Variants in FRMD5 observed in about 807,000 individuals in gnomAD.
The protein encoded by FRMD5 is FERM domain-containing protein 5.
FRMD5 carries 20 observed loss-of-function variants against 69.0 expected under a neutral mutation model. The observed-to-expected ratio is 0.29, with a 90% CI of 0.20 to 0.42. The LOEUF is 0.42. Ranked by LOEUF, FRMD5 falls within the 10% of genes least tolerant of loss-of-function variation. The pLI, the probability that FRMD5 is intolerant of heterozygous loss-of-function variation, is 1.00. For synonymous variants in FRMD5, 271 were observed against 260.1 expected (o/e 1.04, Z -0.40); for missense variants, 595 against 708.6 (o/e 0.84, Z 1.82).
rs556543124 is a variant in FRMD5, at chr15:44,117,386, T to A, written c.102+77567A>T. On this transcript the variant is annotated intron_variant, in intron 1 of 13. Coordinates refer to ENST00000417257, the MANE Select transcript of FRMD5 (RefSeq NM_032892.5). ...GTAATGGGCAAGGAATCGAGAAAAA[T>A]TAGAGAATAAGCCAAAAAGACTAAG... Among the ~76,000 whole-genome samples, 6 of 151,904 alleles carry A rather than the reference T, an allele frequency of 3.9e-5. No homozygotes were observed. The South Asian group carries it at 1.2e-3, about 32-fold the overall frequency.
At chr15:44,041,615 G>C (rs137857975) in intron 1 of FRMD5, among the ~76,000 whole-genome samples, 1 of 152,272 alleles carries the variant, frequency 6.6e-6, no homozygotes, top group Non-Finnish European at 1.5e-5. Context: ...TAGAACTCAG[G>C]ATTAAGAAAC....
chr15:43,959,605 A>G (rs2090165245), intron 1 of FRMD5, among the ~76,000 whole-genome samples: 1 of 152,174 alleles, frequency 6.6e-6, no homozygotes, highest in Non-Finnish European at 1.5e-5. Flanking sequence ...ACTACTTTAC[A>G]TCCCTAGACC....
At chr15:43,987,506 C>T (rs1033876143) in intron 1 of FRMD5, among the ~76,000 whole-genome samples, 6 of 152,124 alleles carry the variant, frequency 3.9e-5, no homozygotes, top group Non-Finnish European at 7.3e-5. Context: ...CAGGGGGTTT[C>T]GGGATGATTC....
rs550267442 is a variant in FRMD5, at chr15:44,087,207, A to T, written c.102+107746T>A. Among the ~76,000 whole-genome samples, 310 of 152,196 alleles carry T rather than the reference A, an allele frequency of 2.0e-3. 1 individual carries two copies. The highest frequency in any genetic ancestry group is 3.7e-3 in the Admixed American group (56 of 15,286). ...CTAACTTTTGTATTTTTTAGTAAAG[A>T]TGGGGTTTCAGCATGTTGGCCAGGC... On this transcript the variant is annotated intron_variant, in intron 1 of 13. Coordinates refer to ENST00000417257, the MANE Select transcript of FRMD5 (RefSeq NM_032892.5).
intron 1 of FRMD5, among the ~76,000 whole-genome samples, chr15:44,050,480 C>CTCCCGAG (rs1236225357): frequency 1.9e-4 from 29 of 151,450 alleles, no homozygotes; most frequent in Non-Finnish European, 2.9e-4. Flanking sequence ...CTACCTCAGC[C>CTCCCGAG]TCCCGAGTAG....
At chr15:43,879,960 G>A (rs2088477943) in intron 13 of FRMD5, 2 of 249,688 alleles carry the variant, frequency 8.0e-6, no homozygotes, top group South Asian at 1.8e-4. Context: ...GCCATAAAAA[G>A]TAATGCTTCC....
At chr15:43,884,941 G>A in intron 11 of FRMD5, 146 bp from the exon 12 acceptor site, 1 of 657,616 alleles carries the variant, frequency 1.5e-6, no homozygotes, top group Admixed American at 2.5e-5. Context: ...ATGGAGAAAG[G>A]CTTGCTTGGT....
chr15:43,912,507 G>A (rs2089307077), intron 4 of FRMD5, among the ~76,000 whole-genome samples: 1 of 151,900 alleles, frequency 6.6e-6, no homozygotes, highest in East Asian at 1.9e-4. Flanking sequence ...CTTACTCACT[G>A]ATCACTCCCT....
intron 1 of FRMD5, among the ~76,000 whole-genome samples, chr15:44,002,232 T>A (rs1214878891): frequency 1.3e-5 from 2 of 152,100 alleles, no homozygotes; most frequent in Non-Finnish European, 2.9e-5. Context: ...AAAACTTACA[T>A]CTGGGTGTTG....
chr15:44,063,147 G>A (rs2140387188), intron 1 of FRMD5, among the ~76,000 whole-genome samples: 2 of 152,254 alleles, frequency 1.3e-5, no homozygotes, highest in East Asian at 3.9e-4. Context: ...AGCCAGCTAG[G>A]AAGAGTTTGT....
intron 1 of FRMD5, among the ~76,000 whole-genome samples, chr15:44,022,337 G>A (rs2140255002): frequency 6.6e-6 from 1 of 151,684 alleles, no homozygotes; most frequent in South Asian, 2.1e-4. Context: ...GGATGAGATT[G>A]GGGGATCACT....
intron 1 of FRMD5, chr15:43,989,897 C>A: frequency 8.8e-7 from 1 of 1,140,062 alleles, no homozygotes; most frequent in Non-Finnish European, 1.3e-6. Flanking sequence ...TTGGCAGCCA[C>A]ACACAGCTCG....
At chr15:43,941,065 C>T (rs892081151) in intron 1 of FRMD5, among the ~76,000 whole-genome samples, 4 of 152,128 alleles carry the variant, frequency 2.6e-5, no homozygotes, top group Non-Finnish European at 5.9e-5. Flanking sequence ...AGTCAATTAT[C>T]AAAGCATAGA....
At chr15:44,158,439 G>C (rs920352386) in intron 1 of FRMD5, among the ~76,000 whole-genome samples, 1 of 151,972 alleles carries the variant, frequency 6.6e-6, no homozygotes, top group Non-Finnish European at 1.5e-5. Context: ...TCTTTCTTTT[G>C]TACCTCATAA....
chr15:43,875,804 GTTTTTTTTTT>G (rs34063043), intron 13 of FRMD5: 62 of 210,636 alleles, frequency 2.9e-4, no homozygotes, highest in East Asian at 2.9e-3. Flanking sequence ...CCTGGGCCTA[GTTTTTTTTTT>G]TTTTTTTTTT....
chr15:44,098,380 C>G (rs1339524849), intron 1 of FRMD5, among the ~76,000 whole-genome samples: 2 of 151,938 alleles, frequency 1.3e-5, no homozygotes, highest in African/African-American at 4.8e-5. Context: ...CAAATATTAG[C>G]TGGGTGTGGT....
Position 43,873,270 on chromosome 15 carries a change from C to T in FRMD5, c.*615G>A. The T allele has an allele frequency of 6.5e-7, 1 of 1,540,954 alleles. No homozygotes were observed. Among genetic ancestry groups the T allele is most frequent in the African/African-American group, 1.4e-5 (1 of 72,412 alleles). The stretch of plus-strand genomic sequence containing the variant: ...AAGGAAAAGAAAATCCAACTCAGAC[C>T]ATCATAAGAAGCAACTTTCCATTTA... On this transcript the variant is annotated 3_prime_UTR_variant, in exon 14 of 14. Transcript: ENST00000417257.
chr15:44,085,557 G>A (rs117901276), intron 1 of FRMD5, among the ~76,000 whole-genome samples: 1,794 of 152,244 alleles, frequency 0.012, 16 homozygotes, highest in Middle Eastern at 0.017. Context: ...GCCAATACTG[G>A]TCTTGATAAG....
chr15:44,058,846 T>C (rs1036522816), intron 1 of FRMD5, among the ~76,000 whole-genome samples: 1 of 151,654 alleles, frequency 6.6e-6, no homozygotes, highest in Non-Finnish European at 1.5e-5. Context: ...GGGAATGAAC[T>C]GGCTCAGAAG....
Sources: allele counts gnomAD v4.1 joint callset (sites outside exome capture counted in the v4.1 genomes callset), GRCh38; gene constraint gnomAD v4.1.1; transcripts MANE v1.5; gene names NCBI Gene and HGNC (gene_info 2026-07-23, HGNC 2026-07-21).